XPR1: variants seen among roughly 807,000 people sequenced by gnomAD.
The protein encoded by XPR1 is xenotropic and polytropic retrovirus receptor 1.
A neutral mutation model predicts 87.5 loss-of-function variants in XPR1; 28 were observed. The observed-to-expected ratio is 0.32, with a 90% CI of 0.24 to 0.44. The LOEUF is 0.44. XPR1 is among the 20% of genes least tolerant of loss of function. The pLI, the probability that XPR1 is intolerant of heterozygous loss-of-function variation, is 1.00. For synonymous variants in XPR1, 300 were observed against 306.1 expected (o/e 0.98, Z 0.21); for missense variants, 559 against 862.3 (o/e 0.65, Z 4.41).
intron 14 of XPR1, among the ~76,000 whole-genome samples, chr1:180,880,642 A>G (rs1410203147): frequency 6.6e-6 from 1 of 152,158 alleles, no homozygotes; most frequent in Non-Finnish European, 1.5e-5. Flanking sequence ...GAATCCTGCC[A>G]TCTATGCCTT....
intron 2 of XPR1, among the ~76,000 whole-genome samples, chr1:180,778,556 A>G (rs1285849216): frequency 6.6e-6 from 1 of 152,160 alleles, no homozygotes; most frequent in Non-Finnish European, 1.5e-5. Context: ...TGGAAATTGT[A>G]GAATATTTAG....
intron 2 of XPR1, among the ~76,000 whole-genome samples, chr1:180,781,891 G>A (rs1318161493): frequency 6.6e-6 from 1 of 151,870 alleles, no homozygotes; most frequent in African/African-American, 2.4e-5. Flanking sequence ...TGCCTCCTAG[G>A]TTCAAGCGAA....
At chr1:180,745,853 G>A (rs1476327039) in intron 2 of XPR1, among the ~76,000 whole-genome samples, 1 of 152,158 alleles carries the variant, frequency 6.6e-6, no homozygotes, top group East Asian at 1.9e-4. Context: ...TAGGTTTTAT[G>A]GATGAATTCA....
At chr1:180,874,182 A>C in intron 13 of XPR1, 1 of 410,118 alleles carries the variant, frequency 2.4e-6, no homozygotes, top group Non-Finnish European at 4.3e-6. Context: ...GGCGTGAGCT[A>C]CTGTGCCCGG....
chr1:180,732,061 C>T (rs1328257769), intron 2 of XPR1, among the ~76,000 whole-genome samples: 3 of 152,130 alleles, frequency 2.0e-5, no homozygotes, highest in East Asian at 1.9e-4. Context: ...GGCGTGGTCA[C>T]GTGTGCCTCT....
At chr1:180,736,016 C>T (rs192307932) in intron 2 of XPR1, among the ~76,000 whole-genome samples, 5 of 152,218 alleles carry the variant, frequency 3.3e-5, no homozygotes, top group Admixed American at 2.6e-4. Flanking sequence ...TAGCCCTGTC[C>T]TCATGGAGTC....
At chr1:180,679,072 G>A (rs964850017) in intron 1 of XPR1, among the ~76,000 whole-genome samples, 1 of 152,100 alleles carries the variant, frequency 6.6e-6, no homozygotes, top group East Asian at 1.9e-4. Flanking sequence ...GTGCACACCT[G>A]TAGTCCCAGC....
intron 11 of XPR1, among the ~76,000 whole-genome samples, chr1:180,838,464 A>T (rs1050854327): frequency 6.6e-6 from 1 of 152,168 alleles, no homozygotes; most frequent in Admixed American, 6.5e-5. Context: ...GAAAATCCAA[A>T]TTCCTCAAAT....
intron 2 of XPR1, among the ~76,000 whole-genome samples, chr1:180,704,601 T>A (rs1356734287): frequency 6.6e-6 from 1 of 151,670 alleles, no homozygotes; most frequent in Admixed American, 6.6e-5. Flanking sequence ...TTTGGTATAT[T>A]TTGGTACAGT....
At chr1:180,703,148 C>G (rs1197454135) in intron 2 of XPR1, among the ~76,000 whole-genome samples, 1 of 152,106 alleles carries the variant, frequency 6.6e-6, no homozygotes, top group Non-Finnish European at 1.5e-5. Context: ...ACTAGACCAG[C>G]TAGTCCTTGG....
intron 2 of XPR1, among the ~76,000 whole-genome samples, chr1:180,732,337 A>T (rs1658584511): frequency 6.6e-6 from 1 of 151,942 alleles, no homozygotes. Flanking sequence ...TCTCATGGTT[A>T]TTTTTATCTT....
chr1:180,879,173 C>A lies in XPR1; in HGVS notation c.1809-903C>A, dbSNP rs189329788. ...GTCAGCTCCATCTTTATAAATAAAT[C>A]CTTTGTCTGTCTGCTTCTCATCACT... On this transcript the variant is annotated intron_variant, in intron 13 of 14. Transcript: ENST00000367590. Among the ~76,000 whole-genome samples, 249 of 152,274 alleles carry A rather than the reference C, an allele frequency of 1.6e-3. 1 individual carries two copies. Among genetic ancestry groups the A allele is most frequent in the African/African-American group, 5.8e-3 (243 of 41,552 alleles).
intron 1 of XPR1, among the ~76,000 whole-genome samples, chr1:180,675,790 A>G (rs1288541001): frequency 3.9e-5 from 6 of 152,174 alleles, no homozygotes; most frequent in Non-Finnish European, 7.4e-5. Context: ...TGGGTGACTC[A>G]TAGACAAACA....
intron 2 of XPR1, among the ~76,000 whole-genome samples, chr1:180,710,087 C>T (rs1389352321): frequency 1.3e-5 from 2 of 151,434 alleles, no homozygotes; most frequent in Non-Finnish European, 2.9e-5. Context: ...AGAGACAGGG[C>T]TTCACCATGT....
intron 2 of XPR1, among the ~76,000 whole-genome samples, chr1:180,736,930 G>C (rs1658747491): frequency 6.6e-6 from 1 of 152,178 alleles, no homozygotes; most frequent in South Asian, 2.1e-4. Flanking sequence ...AGGGACTTAG[G>C]AAAAGAAGCG....
intron 13 of XPR1, among the ~76,000 whole-genome samples, chr1:180,878,584 A>G (rs570748305): frequency 6.1e-4 from 93 of 152,302 alleles, no homozygotes; most frequent in Admixed American, 2.9e-3. Context: ...TCTTTTACTG[A>G]TGACACTGAA....
At chr1:180,833,127 G>A (rs565441077) in intron 9 of XPR1, among the ~76,000 whole-genome samples, 1 of 152,196 alleles carries the variant, frequency 6.6e-6, no homozygotes, top group African/African-American at 2.4e-5. Context: ...TAGCAATTGT[G>A]AATGGGAGTT....
intron 2 of XPR1, among the ~76,000 whole-genome samples, chr1:180,691,707 A>G (rs1404742243): frequency 6.6e-6 from 1 of 152,082 alleles, no homozygotes; most frequent in African/African-American, 2.4e-5. Context: ...AGTCTCCCTA[A>G]GCTCCTTAGA....
chr1:180,771,293 A>G (rs951279213), intron 2 of XPR1, among the ~76,000 whole-genome samples: 31 of 151,448 alleles, frequency 2.0e-4, no homozygotes, highest in African/African-American at 7.0e-4. Flanking sequence ...TTTTTTTTTT[A>G]ATTTGTCTTT....
Sources: allele counts gnomAD v4.1 joint callset (sites outside exome capture counted in the v4.1 genomes callset), GRCh38; gene constraint gnomAD v4.1.1; transcripts MANE v1.5; gene names NCBI Gene and HGNC (gene_info 2026-07-23, HGNC 2026-07-21).